Variants in PDZRN4 observed in about 807,000 individuals in gnomAD.
The protein encoded by PDZRN4 is PDZ domain-containing RING finger protein 4.
A neutral mutation model predicts 99.0 loss-of-function variants in PDZRN4; 70 were observed. The ratio of observed to expected loss-of-function variants is 0.71; its 90% CI spans 0.58 to 0.86. The LOEUF (loss-of-function observed/expected upper bound fraction) is 0.86, where lower values mean the gene tolerates loss of function less well. Among genes scored for constraint, PDZRN4 ranks in the 40% least tolerant of loss-of-function variants. The probability of loss-of-function intolerance (pLI) is 0.00; values close to 1 mark genes in which losing one functional copy is unlikely to be tolerated. For synonymous variants in PDZRN4, 551 were observed against 501.6 expected, an observed-to-expected ratio of 1.10 and a Z score of -1.32; for missense variants, 1,474 against 1,331.2, an observed-to-expected ratio of 1.11 and a Z score of -1.67.
chr12:41,189,672 G>A (rs1566345284), intron 1 of PDZRN4, among the ~76,000 whole-genome samples: 1 of 152,188 alleles, frequency 6.6e-6, no homozygotes, highest in Non-Finnish European at 1.5e-5. Context: ...GGCCAGGACA[G>A]CCTCAGGAGT....
intron 3 of PDZRN4, among the ~76,000 whole-genome samples, chr12:41,323,638 AAC>A (rs762241672): frequency 8.5e-5 from 13 of 152,122 alleles, no homozygotes; most frequent in East Asian, 3.9e-4. Context: ...TATGCTTTAA[AAC>A]AGTCATAAAA....
At chr12:41,301,935 T>C (rs972311957) in intron 3 of PDZRN4, among the ~76,000 whole-genome samples, 4 of 152,134 alleles carry the variant, frequency 2.6e-5, no homozygotes, top group Non-Finnish European at 5.9e-5. Context: ...TTTTCAAATC[T>C]GTTGATGTCA....
intron 4 of PDZRN4, among the ~76,000 whole-genome samples, chr12:41,508,917 C>G (rs1404386724): frequency 1.3e-5 from 2 of 152,138 alleles, no homozygotes; most frequent in Admixed American, 1.3e-4. Context: ...CATCTGCAAC[C>G]AACTTGTCAA....
rs369306795 is a variant in PDZRN4, at chr12:41,573,213, G to A, written c.2434G>A (p.Glu812Lys). The A allele has an allele frequency of 8.2e-5, 133 of 1,614,042 alleles. No individual in the cohort carries two copies. Among genetic ancestry groups the A allele is most frequent in the Non-Finnish European group, 1.0e-4 (119 of 1,180,032 alleles). Residue 812 changes from glutamate to lysine, a missense_variant, in exon 10 of 10, where the codon GAA becomes AAA. Coordinates refer to ENST00000402685, the MANE Select transcript of PDZRN4 (RefSeq NM_001164595.2). ...CGCTGAAAGCAAGGAGAAGGTTTTAGAAGGCAGCAAGCTTCCTGATCAAGA... is the reference window on the plus strand; with the variant it reads ...CGCTGAAAGCAAGGAGAAGGTTTTAAAAGGCAGCAAGCTTCCTGATCAAGA... ...CSAESKEKVLEGSKLPDQEKA... is the reference protein window; with the variant it reads ...CSAESKEKVLKGSKLPDQEKA...
chr12:41,325,509 G>A (rs773696482), intron 3 of PDZRN4, among the ~76,000 whole-genome samples: 1 of 152,122 alleles, frequency 6.6e-6, no homozygotes, highest in South Asian at 2.1e-4. Context: ...TTATGCTAGG[G>A]AGGAGGATAC....
chr12:41,532,338 T>C (rs944639253), intron 5 of PDZRN4, among the ~76,000 whole-genome samples: 2 of 152,208 alleles, frequency 1.3e-5, no homozygotes, highest in African/African-American at 2.4e-5. Context: ...ATAAGAAGTC[T>C]TGGTAGCTGG....
intron 3 of PDZRN4, among the ~76,000 whole-genome samples, chr12:41,276,389 G>T (rs1951349993): frequency 6.6e-6 from 1 of 152,104 alleles, no homozygotes; most frequent in Non-Finnish European, 1.5e-5. Flanking sequence ...TATTGTAGCA[G>T]TTTAACGAGT....
chr12:41,264,968 G>A (rs992591773), intron 3 of PDZRN4, among the ~76,000 whole-genome samples: 8 of 152,060 alleles, frequency 5.3e-5, no homozygotes, highest in Non-Finnish European at 1.2e-4. Flanking sequence ...AGGAGAGAAA[G>A]GAATGAAAAA....
At chr12:41,406,868 A>AG (rs1388822530) in intron 3 of PDZRN4, among the ~76,000 whole-genome samples, 1 of 151,852 alleles carries the variant, frequency 6.6e-6, no homozygotes, top group Admixed American at 6.6e-5. Flanking sequence ...CAAAAAAAAA[A>AG]AAAAAAAAAA....
chr12:41,458,986 G>T (rs1266917751), intron 3 of PDZRN4, among the ~76,000 whole-genome samples: 8 of 152,008 alleles, frequency 5.3e-5, no homozygotes, highest in African/African-American at 1.7e-4. Context: ...CAGATCTTTG[G>T]GAGTAGATGA....
At chr12:41,277,840 G>A (rs1951359710) in intron 3 of PDZRN4, among the ~76,000 whole-genome samples, 1 of 152,178 alleles carries the variant, frequency 6.6e-6, no homozygotes, top group South Asian at 2.1e-4. Flanking sequence ...CACATACAGA[G>A]GTTCCGTATG....
At chr12:41,257,979 A>G (rs1377063543) in intron 3 of PDZRN4, among the ~76,000 whole-genome samples, 1 of 152,194 alleles carries the variant, frequency 6.6e-6, no homozygotes, top group East Asian at 1.9e-4. Context: ...ACTTTAGAGT[A>G]AGTAATATTA....
At chr12:41,371,020 A>G (rs1483220125) in intron 3 of PDZRN4, among the ~76,000 whole-genome samples, 2 of 151,442 alleles carry the variant, frequency 1.3e-5, no homozygotes, top group South Asian at 2.1e-4. Context: ...GATTTTCAGT[A>G]TCAACCGGCT....
rs145186833 is a variant in PDZRN4 at position 41,555,402 on chromosome 12, GA to G, written c.1303-285del. Reference sequence around the variant, plus strand: ...GATACAGAAATGAGTGAACAAATGTGAAAAAAAAAAAGAATGAAGGGAAAAA... The same window carrying G: ...GATACAGAAATGAGTGAACAAATGTGAAAAAAAAAAGAATGAAGGGAAAAA... On this transcript the variant is annotated intron_variant, in intron 6 of 9. Transcript: ENST00000402685. 4.1e-3 allele frequency among the ~76,000 whole-genome samples: 573 copies of G among 140,008 alleles called. 2 individuals are homozygous for G. The highest frequency in any genetic ancestry group is 0.012 in the African/African-American group (464 of 38,446). 91.9% of individuals were successfully genotyped at this position (140,008 alleles called of 152,430 possible).
chr12:41,237,429 T>G (rs1370335157), intron 3 of PDZRN4, among the ~76,000 whole-genome samples: 1 of 152,194 alleles, frequency 6.6e-6, no homozygotes, highest in Non-Finnish European at 1.5e-5. Flanking sequence ...AATGTCTCAA[T>G]TACAAGCTTT....
intron 3 of PDZRN4, among the ~76,000 whole-genome samples, chr12:41,252,129 A>G (rs1283455043): frequency 3.1e-5 from 4 of 128,036 alleles, no homozygotes; most frequent in Non-Finnish European, 7.7e-5. Context: ...TAAATAAATA[A>G]ATAAATAATA....
chr12:41,482,773 C>A (rs1937697723), intron 3 of PDZRN4, among the ~76,000 whole-genome samples: 1 of 151,862 alleles, frequency 6.6e-6, no homozygotes, highest in African/African-American at 2.4e-5. Context: ...AGAAAACCAA[C>A]TAGAATGGGA....
chr12:41,252,147 G>A lies in PDZRN4; in HGVS notation c.843+57959G>A, dbSNP rs573765760. On this transcript the variant is annotated intron_variant, in intron 3 of 9. Coordinates refer to ENST00000402685, the MANE Select transcript of PDZRN4 (RefSeq NM_001164595.2). Reference sequence around the variant, plus strand: ...ATAAATAAATAAATAATAAAATGAAGTAAAATAAGCATTGCAATACAATGG... The same window carrying A: ...ATAAATAAATAAATAATAAAATGAAATAAAATAAGCATTGCAATACAATGG... Among the ~76,000 whole-genome samples, 6 of 150,946 alleles carry A rather than the reference G, an allele frequency of 4.0e-5. No homozygotes were observed. In the South Asian group the frequency reaches 1.3e-3, roughly 32 times the overall value.
chr12:41,567,678 C>A, intron 8 of PDZRN4, 105 bp from the exon 9 acceptor site: 7 of 434,782 alleles, frequency 1.6e-5, no homozygotes, highest in Non-Finnish European at 2.0e-5. Flanking sequence ...TGAAGAGAAT[C>A]ATTATGATAA....
Sources: allele counts gnomAD v4.1 joint callset (sites outside exome capture counted in the v4.1 genomes callset), GRCh38; gene constraint gnomAD v4.1.1; transcripts MANE v1.5; gene names NCBI Gene and HGNC (gene_info 2026-07-23, HGNC 2026-07-21).